Variants in MITF observed in about 807,000 individuals in gnomAD.
MITF encodes microphthalmia-associated transcription factor.
MITF carries 17 observed loss-of-function variants against 60.5 expected under a neutral mutation model. That is an observed-to-expected ratio of 0.28 (90% CI 0.19 to 0.42). MITF has a LOEUF of 0.42. MITF is among the 10% of genes least tolerant of loss of function. The pLI, the probability that MITF is intolerant of heterozygous loss-of-function variation, is 1.00. For missense variants in MITF, 622 were observed against 683.5 expected, an observed-to-expected ratio of 0.91 and a Z score of 1.00; for synonymous variants, 260 against 248.5, an observed-to-expected ratio of 1.05 and a Z score of -0.43.
chr3:69,778,405 A>C (rs1188656735), intron 1 of MITF, among the ~76,000 whole-genome samples: 3 of 152,220 alleles, frequency 2.0e-5, no homozygotes, highest in Admixed American at 6.5e-5. Context: ...GCATGAAATT[A>C]AATTGCCAAT....
intron 1 of MITF, among the ~76,000 whole-genome samples, chr3:69,827,886 C>T (rs1185536430): frequency 2.6e-5 from 4 of 152,158 alleles, no homozygotes; most frequent in African/African-American, 7.2e-5. Flanking sequence ...GTGACCTCCA[C>T]AGCCTATGAT....
At chr3:69,766,185 G>C (rs1199082680) in intron 1 of MITF, among the ~76,000 whole-genome samples, 1 of 151,748 alleles carries the variant, frequency 6.6e-6, no homozygotes, top group Non-Finnish European at 1.5e-5. Flanking sequence ...CTAGCTTGGT[G>C]ACCATGAATG....
Position 69,838,497 on chromosome 3 carries a change from G to A in MITF, c.105-40637G>A, listed in dbSNP as rs554997990. The A allele has an allele frequency of 7.9e-5, 12 of 152,692 alleles. No individual in the cohort carries two copies. In the South Asian group the frequency reaches 1.5e-3, roughly 18 times the overall value. 9.5% of individuals were successfully genotyped at this position (152,692 alleles called of 1,614,324 possible). On this transcript the variant is annotated intron_variant, in intron 1 of 9. Transcript: ENST00000352241. ...AGAAGTTCTTTAATAAAAACCAGACGCATATGTAGTAGCAGGGGTTAGTAG... is the reference window on the plus strand; with the variant it reads ...AGAAGTTCTTTAATAAAAACCAGACACATATGTAGTAGCAGGGGTTAGTAG...
chr3:69,779,243 T>C (rs2062524756), intron 1 of MITF, among the ~76,000 whole-genome samples: 1 of 152,240 alleles, frequency 6.6e-6, no homozygotes, highest in Non-Finnish European at 1.5e-5. Context: ...TGATTTTCTT[T>C]AACTTCTCTG....
chr3:69,774,311 T>C lies in MITF; in HGVS notation c.104+34610T>C, dbSNP rs147410732. On this transcript the variant is annotated intron_variant, in intron 1 of 9. Transcript: ENST00000352241. ...GTAAGTAACTCTTATTAGAAGATGG[T>C]TTAGGGACCGTCTTTTATTATTCAA... Among the ~76,000 whole-genome samples the C allele has an allele frequency of 2.5e-4, 38 of 152,238 alleles. 1 individual carries two copies. Among genetic ancestry groups the C allele is most frequent in the African/African-American group, 9.1e-4 (38 of 41,532 alleles).
intron 4 of MITF, among the ~76,000 whole-genome samples, chr3:69,940,840 T>C (rs2065951754): frequency 1.3e-5 from 2 of 152,210 alleles, no homozygotes; most frequent in South Asian, 4.1e-4. Flanking sequence ...ATGGGTTAAA[T>C]TGTGGCTCCA....
At chr3:69,811,265 T>C (rs1337004766) in intron 1 of MITF, among the ~76,000 whole-genome samples, 1 of 152,228 alleles carries the variant, frequency 6.6e-6, no homozygotes, top group Non-Finnish European at 1.5e-5. Context: ...TTATGGCTAT[T>C]TATGTATCAA....
intron 1 of MITF, among the ~76,000 whole-genome samples, chr3:69,814,517 C>T (rs772565711): frequency 1.3e-4 from 20 of 151,952 alleles, no homozygotes; most frequent in Non-Finnish European, 2.2e-4. Flanking sequence ...TTTGTAGAAA[C>T]GGAGTCTCCC....
rs1465717485 is a variant in MITF, at chr3:69,965,169, C to T, written c.1502C>T (p.Ser501Phe). The T allele has an allele frequency of 5.6e-6, 9 of 1,613,814 alleles. No individual in the cohort carries two copies. The Admixed American group carries it at 1.3e-4, about 24-fold the overall frequency. Residue 501 changes from serine to phenylalanine, a missense_variant, in exon 10 of 10, where the codon TCC becomes TTC. Ser to Phe is a radical substitution (Grantham distance 155). This residue lies in a region of MITF where 224 missense variants were observed against 209.5 expected (regional missense o/e 1.07). Transcript: ENST00000352241. Reference protein sequence around the residue: ...SPVGVTDPLLSSVSPGASKTS... With the variant: ...SPVGVTDPLLFSVSPGASKTS... ...GTCGGTGTCACTGATCCACTCCTTT[C>T]CTCAGTGTCCCCCGGAGCTTCCAAA... is the stretch of plus-strand genomic sequence containing the variant.
chr3:69,823,373 G>A (rs1409841751), intron 1 of MITF, among the ~76,000 whole-genome samples: 1 of 152,066 alleles, frequency 6.6e-6, no homozygotes, highest in Non-Finnish European at 1.5e-5. Context: ...TCAGATCAAG[G>A]TGCTGGCAGA....
At chr3:69,821,966 C>T (rs555391403) in intron 1 of MITF, among the ~76,000 whole-genome samples, 56 of 152,238 alleles carry the variant, frequency 3.7e-4, no homozygotes, top group African/African-American at 5.5e-4. Flanking sequence ...TGGTCTAGAA[C>T]GCCTGGGCTC....
chr3:69,755,866 T>C (rs1704126776), intron 1 of MITF, among the ~76,000 whole-genome samples: 1 of 152,192 alleles, frequency 6.6e-6, no homozygotes, highest in African/African-American at 2.4e-5. Context: ...ACCTTACTGC[T>C]GCTCCTCCTC....
chr3:69,794,267 A>G (rs1697858569), intron 1 of MITF, among the ~76,000 whole-genome samples: 1 of 152,194 alleles, frequency 6.6e-6, no homozygotes, highest in African/African-American at 2.4e-5. Context: ...GCAGGTGGCT[A>G]TTGTGGTTGG....
chr3:69,959,126 T>C, intron 8 of MITF, 147 bp from the exon 9 acceptor site: 1 of 945,288 alleles, frequency 1.1e-6, no homozygotes, highest in South Asian at 1.7e-5. Context: ...AACTTATCCA[T>C]GTAACCAAGC....
intron 1 of MITF, among the ~76,000 whole-genome samples, chr3:69,788,960 C>T (rs6762369): frequency 0.51 from 78,086 of 151,870 alleles, 21,706 homozygotes; most frequent in Non-Finnish European, 0.64. Flanking sequence ...GGATTCAAGA[C>T]CTAAATGTAA....
intron 9 of MITF, among the ~76,000 whole-genome samples, chr3:69,964,405 TCTC>T (rs1332617852): frequency 1.5e-5 from 2 of 136,802 alleles, no homozygotes; most frequent in African/African-American, 5.6e-5. Context: ...CAGTGGTACT[TCTC>T]CTATACTTTA....
At chr3:69,913,849 C>T (rs772009663) in intron 2 of MITF, among the ~76,000 whole-genome samples, 32 of 152,198 alleles carry the variant, frequency 2.1e-4, no homozygotes, top group Non-Finnish European at 4.0e-4. Context: ...AAAGCTGTAA[C>T]AGGCTTTCAG....
intron 1 of MITF, among the ~76,000 whole-genome samples, chr3:69,853,142 G>C (rs760463252): frequency 6.6e-6 from 1 of 152,228 alleles, no homozygotes; most frequent in African/African-American, 2.4e-5. Context: ...CTAGTAGTAG[G>C]TGTATAATAT....
chr3:69,862,219 T>C (rs2064029409), intron 1 of MITF, among the ~76,000 whole-genome samples: 1 of 152,154 alleles, frequency 6.6e-6, no homozygotes, highest in South Asian at 2.1e-4. Context: ...TTTATACTTC[T>C]TAAATCTCCT....
Sources: allele counts gnomAD v4.1 joint callset (sites outside exome capture counted in the v4.1 genomes callset), GRCh38; gene constraint gnomAD v4.1.1; regional missense constraint gnomAD v4.1.1; transcripts MANE v1.5; gene names NCBI Gene and HGNC (gene_info 2026-07-23, HGNC 2026-07-21).